NCAPD3: variants seen among roughly 807,000 people sequenced by gnomAD.
The protein encoded by NCAPD3 is condensin-2 complex subunit D3.
NCAPD3 carries 105 observed loss-of-function variants against 182.9 expected under a neutral mutation model. That is an observed-to-expected ratio of 0.57 (90% confidence interval 0.49 to 0.68). The LOEUF (loss-of-function observed/expected upper bound fraction) is 0.68. Ranked by LOEUF, NCAPD3 falls within the 30% of genes least tolerant of loss-of-function variation. The pLI, the probability that NCAPD3 is intolerant of heterozygous loss-of-function variation, is 0.00. For missense variants in NCAPD3, 1,944 were observed against 1,837.0 expected, an observed-to-expected ratio of 1.06 and a Z score of -1.07; for synonymous variants, 815 against 679.9, an observed-to-expected ratio of 1.20 and a Z score of -3.09.
intron 1 of NCAPD3, 54 bp downstream of exon 1, chr11:134,223,809 G>A: frequency 6.3e-7 from 1 of 1,582,300 alleles, no homozygotes; most frequent in Middle Eastern, 2.0e-4. Flanking sequence ...GCATCGTCGG[G>A]GACGCATAGG....
At chr11:134,217,527 T>G (rs1938072462) in intron 2 of NCAPD3, among the ~76,000 whole-genome samples, 1 of 152,190 alleles carries the variant, frequency 6.6e-6, no homozygotes. Flanking sequence ...ATTTAAATGT[T>G]CTGCAGATTG....
In NCAPD3 at chr11:134,161,842, A is replaced by G; in HGVS notation, c.3623T>C (p.Leu1208Pro). Residue 1208 changes from leucine to proline, a missense_variant, in exon 28 of 35, where the codon CTG (leucine) becomes CCG (proline). Around this residue, in one of 3 missense-constraint regions of NCAPD3, gnomAD observed 1,803 missense variants for 1,674.6 expected, o/e 1.08. Transcript: ENST00000534548. ...IENIIPIIIS[L>P]KTVLEKNKIP... ...CTTATTTTTCTCCAGCACAGTCTTC[A>G]GGGAGATGATAATTGGAATAATATT... 2 of 1,590,224 alleles carry G rather than the reference A, an allele frequency of 1.3e-6. No individual in the cohort carries two copies. The highest frequency in any genetic ancestry group is 2.2e-5 in the South Asian group (2 of 89,014).
chr11:134,157,852 AG>A, intron 31 of NCAPD3, 75 bp downstream of exon 31: 1 of 1,429,140 alleles, frequency 7.0e-7, no homozygotes, highest in Non-Finnish European at 9.4e-7. Flanking sequence ...CCGCTTTGAA[AG>A]GAATAAGAAG....
At chr11:134,194,291 A>G in intron 14 of NCAPD3, 141 bp from the exon 15 acceptor site, 1 of 812,546 alleles carries the variant, frequency 1.2e-6, no homozygotes, top group Non-Finnish European at 1.9e-6. Flanking sequence ...TCCTCACAAC[A>G]TCCCATTTTT....
At chr11:134,163,829 G>T (rs549857479) in intron 27 of NCAPD3, among the ~76,000 whole-genome samples, 1 of 130,210 alleles carries the variant, frequency 7.7e-6, no homozygotes, top group Non-Finnish European at 1.5e-5. Context: ...CTGAGATCGC[G>T]CCACTGCACT....
intron 24 of NCAPD3, among the ~76,000 whole-genome samples, chr11:134,175,085 C>T (rs1944127552): frequency 6.6e-6 from 1 of 152,180 alleles, no homozygotes; most frequent in Non-Finnish European, 1.5e-5. Flanking sequence ...TAAAGTATAT[C>T]TATGCTCTTC....
In NCAPD3 at chr11:134,167,899, G is replaced by C. The variant is rs538584185; in HGVS notation, c.3573+97C>G. ...TTGGGGGAGGTGCACACTCACTTGTGAGATGAGCTTGGGGGAGGTGCACAC... is the reference window on the plus strand; with the variant it reads ...TTGGGGGAGGTGCACACTCACTTGTCAGATGAGCTTGGGGGAGGTGCACAC... On this transcript the variant is annotated intron_variant, in intron 27 of 34. Transcript: ENST00000534548. 8.3e-5 allele frequency: 90 copies of C among 1,080,364 alleles called. No homozygotes were observed. In the South Asian group the frequency reaches 1.1e-3, roughly 13 times the overall value. 66.9% of individuals were successfully genotyped at this position (1,080,364 alleles called of 1,614,324 possible).
chr11:134,158,078 C>G lies in NCAPD3; in HGVS notation c.4035-11G>C, dbSNP rs748386960. The G allele has an allele frequency of 1.2e-6, 2 of 1,611,436 alleles. No homozygotes were observed. Among genetic ancestry groups the G allele is most frequent in the Admixed American group, 3.3e-5 (2 of 59,780 alleles). On this transcript the variant is annotated splice_polypyrimidine_tract_variant and intron_variant, in intron 30 of 34. Coordinates refer to ENST00000534548, the MANE Select transcript of NCAPD3 (RefSeq NM_015261.3). ...CTCAGGGACATGGGCCTGTGGAGAACAGCCACAGCCGCTGACTTTCTCACT... is the reference window on the plus strand; with the variant it reads ...CTCAGGGACATGGGCCTGTGGAGAAGAGCCACAGCCGCTGACTTTCTCACT...
chr11:134,158,338 G>T lies in NCAPD3; in HGVS notation c.4025C>A (p.Pro1342His), dbSNP rs1479568485. The change falls in exon 30 of 35, where the codon CCC becomes CAC. Residue 1342 changes from proline (P) to histidine (H), a missense_variant. By Grantham distance (77) the Pro-to-His change is moderately conservative. This residue lies in a region of NCAPD3 where 1,803 missense variants were observed against 1,674.6 expected (regional missense o/e 1.08). Coordinates refer to ENST00000534548, the MANE Select transcript of NCAPD3 (RefSeq NM_015261.3). ...TCCAGGGGCTCTTTACCTGGCTTTGGGCAGCAACCTCTGCAATGGCCCTGT... is the reference window on the plus strand; with the variant it reads ...TCCAGGGGCTCTTTACCTGGCTTTGTGCAGCAACCTCTGCAATGGCCCTGT... The part of the protein sequence containing the change: ...PETGPLQRLL[P>H]KARPMSLSTI... 10 of 1,613,958 alleles carry T rather than the reference G, an allele frequency of 6.2e-6. No homozygotes were observed. Among genetic ancestry groups the T allele is most frequent in the Non-Finnish European group, 8.5e-6 (10 of 1,180,020 alleles).
chr11:134,164,085 T>C (rs1030414866), intron 27 of NCAPD3, among the ~76,000 whole-genome samples: 1 of 152,080 alleles, frequency 6.6e-6, no homozygotes, highest in South Asian at 2.1e-4. Flanking sequence ...TCTATATCCT[T>C]GGAGTCAAAA....
chr11:134,175,662 C>T (rs928926261), intron 24 of NCAPD3, among the ~76,000 whole-genome samples: 1 of 152,130 alleles, frequency 6.6e-6, no homozygotes, highest in African/African-American at 2.4e-5. Flanking sequence ...CAACTGCAGA[C>T]TTGCTTGAAA....
chr11:134,159,616 GAC>G (rs1943521482), intron 29 of NCAPD3, among the ~76,000 whole-genome samples: 1 of 152,214 alleles, frequency 6.6e-6, no homozygotes. Context: ...CGGACACACT[GAC>G]ACACCCTGGC....
intron 24 of NCAPD3, among the ~76,000 whole-genome samples, chr11:134,171,992 CA>C (rs1191231550): frequency 6.6e-6 from 1 of 152,178 alleles, no homozygotes; most frequent in Non-Finnish European, 1.5e-5. Context: ...TGCGGAACAA[CA>C]AAACCAAACT....
intron 27 of NCAPD3, among the ~76,000 whole-genome samples, chr11:134,165,808 C>T (rs1157112274): frequency 7.0e-6 from 1 of 143,290 alleles, no homozygotes; most frequent in African/African-American, 2.6e-5. Flanking sequence ...GATGCACACT[C>T]ACTTGTGAGA....
Position 134,194,702 on chromosome 11 carries a change from C to T in NCAPD3, c.1652G>A (p.Arg551Lys). 6.2e-7 allele frequency: 1 copy of T among 1,610,178 alleles called. No homozygotes were observed. The highest frequency in any genetic ancestry group is 8.5e-7 in the Non-Finnish European group (1 of 1,178,118). The change falls in exon 14 of 35, where the codon AGG becomes AAG. Residue 551 changes from arginine (R) to lysine (K), a missense_variant. By Grantham distance (26) the Arg-to-Lys change is conservative. Coordinates refer to ENST00000534548, the MANE Select transcript of NCAPD3 (RefSeq NM_015261.3). ...CVMAMLRRRI[R>K]DEKTNVRKSA... ...CTTCCTAACGTTGGTCTTCTCATCC[C>T]TGATCCTCCTTCTCAGCATTGCCAT... is the stretch of plus-strand genomic sequence containing the variant.
intron 27 of NCAPD3, among the ~76,000 whole-genome samples, chr11:134,164,868 G>A (rs1313467742): frequency 6.7e-6 from 1 of 150,276 alleles, no homozygotes; most frequent in African/African-American, 2.5e-5. Flanking sequence ...GCTTGAGGGA[G>A]CTACATACTC....
chr11:134,159,917 C>A lies in NCAPD3; in HGVS notation c.3842G>T (p.Gly1281Val), dbSNP rs997117122. Residue 1281 changes from glycine to valine, a missense_variant, in exon 29 of 35, where the codon GGT becomes GTT. Coordinates refer to ENST00000534548, the MANE Select transcript of NCAPD3 (RefSeq NM_015261.3). ...CTGTGCCACAGGTGCCACCTCAGCA[C>A]CTCCAGCCGTCCCGGCCACATCTGC... ...KHADVAGTAG[G>V]AEVAPVAQVA... The A allele has an allele frequency of 1.9e-6, 3 of 1,613,464 alleles. No homozygotes were observed. Among genetic ancestry groups the A allele is most frequent in the Non-Finnish European group, 1.7e-6 (2 of 1,179,988 alleles).
intron 19 of NCAPD3, chr11:134,182,913 T>C: frequency 3.3e-6 from 1 of 300,994 alleles, no homozygotes; most frequent in Non-Finnish European, 6.7e-6. Flanking sequence ...CTTGCTCCTC[T>C]GTCAACCACC....
At chr11:134,224,140 G>T, upstream of NCAPD3, 1 of 610,544 alleles carries the variant, frequency 1.6e-6, no homozygotes, top group Non-Finnish European at 2.9e-6. Flanking sequence ...AGCCAAACAA[G>T]GCTCCTGCGG....
Sources: gnomAD v4.1 joint callset for allele counts (sites outside exome capture counted in the v4.1 genomes callset) on GRCh38, gnomAD v4.1.1 for gene constraint, gnomAD v4.1.1 regional missense constraint, MANE v1.5 for transcripts, NCBI Gene and HGNC (gene_info 2026-07-23, HGNC 2026-07-21) for gene names.